CNBD1: variants seen among roughly 807,000 people sequenced by gnomAD.
The protein encoded by CNBD1 is cyclic nucleotide-binding domain-containing protein 1.
Under a neutral mutation model 54.4 loss-of-function variants are expected in CNBD1, and 71 were observed. That is an observed-to-expected ratio of 1.30 (90% CI 1.08 to 1.59). The LOEUF is 1.59. Ranked by LOEUF, CNBD1 falls within the 40% of genes most tolerant of loss-of-function variation. CNBD1 has a pLI of 0.00. For missense variants in CNBD1, 659 were observed against 518.0 expected (o/e 1.27, Z -2.64); for synonymous variants, 182 against 170.7 (o/e 1.07, Z -0.51).
chr8:86,893,928 AC>A (rs1429553797), intron 2 of CNBD1, among the ~76,000 whole-genome samples: 1 of 151,744 alleles, frequency 6.6e-6, no homozygotes, highest in East Asian at 1.9e-4. Context: ...TGAATCCAGG[AC>A]TACCAAACTT....
At chr8:86,977,365 C>G (rs1043030248) in intron 4 of CNBD1, among the ~76,000 whole-genome samples, 3 of 152,092 alleles carry the variant, frequency 2.0e-5, no homozygotes, top group Admixed American at 6.5e-5. Flanking sequence ...TCCCATAAGT[C>G]TCTTTCCTGT....
intron 2 of CNBD1, among the ~76,000 whole-genome samples, chr8:87,427,324 A>T (rs1417249819): frequency 1.3e-5 from 2 of 152,152 alleles, no homozygotes; most frequent in South Asian, 4.1e-4. Context: ...AAATTCTGTC[A>T]TTTAGAGCAG....
intron 3 of CNBD1, among the ~76,000 whole-genome samples, chr8:86,927,836 A>G (rs1809389200): frequency 6.6e-6 from 1 of 152,070 alleles, no homozygotes; most frequent in East Asian, 1.9e-4. Context: ...TGAGTCTGGG[A>G]TATTTCCTTC....
At chr8:87,135,296 G>A (rs1812205556) in intron 4 of CNBD1, among the ~76,000 whole-genome samples, 1 of 151,588 alleles carries the variant, frequency 6.6e-6, no homozygotes, top group Admixed American at 6.6e-5. Context: ...ACTAAGAGAT[G>A]GAAAAGCAAA....
At chr8:87,093,378 T>C (rs1291689572) in intron 4 of CNBD1, among the ~76,000 whole-genome samples, 1 of 152,090 alleles carries the variant, frequency 6.6e-6, no homozygotes, top group East Asian at 1.9e-4. Context: ...GTGAGAGAGC[T>C]GTGTGTTGAG....
chr8:87,257,992 ACATAT>A (rs1305771654), intron 6 of CNBD1, among the ~76,000 whole-genome samples: 1 of 152,144 alleles, frequency 6.6e-6, no homozygotes, highest in Non-Finnish European at 1.5e-5. Context: ...CAATTTTGAA[ACATAT>A]CTTAATATCA....
intron 1 of CNBD1, among the ~76,000 whole-genome samples, chr8:86,869,111 G>A (rs1036236999): frequency 6.6e-6 from 1 of 152,140 alleles, no homozygotes; most frequent in Non-Finnish European, 1.5e-5. Flanking sequence ...CTGCTGATGT[G>A]ATTTTAGCCC....
chr8:87,189,020 C>CT (rs1813543673), intron 4 of CNBD1, among the ~76,000 whole-genome samples: 1 of 151,550 alleles, frequency 6.6e-6, no homozygotes, highest in Admixed American at 6.6e-5. Flanking sequence ...AGCTTATCAA[C>CT]TTTTTTGTGT....
intron 5 of CNBD1, among the ~76,000 whole-genome samples, chr8:87,229,848 A>G (rs934033168): frequency 6.6e-6 from 1 of 152,220 alleles, no homozygotes; most frequent in African/African-American, 2.4e-5. Flanking sequence ...TGAATATGCC[A>G]ACTATGTTAA....
intron 4 of CNBD1, among the ~76,000 whole-genome samples, chr8:87,001,353 G>C (rs1488825429): frequency 6.6e-6 from 1 of 151,920 alleles, no homozygotes; most frequent in Non-Finnish European, 1.5e-5. Context: ...TTTCTTCCTG[G>C]TTGAATTATT....
chr8:87,255,292 C>G (rs1350348458), intron 6 of CNBD1, among the ~76,000 whole-genome samples: 1 of 151,990 alleles, frequency 6.6e-6, no homozygotes, highest in Non-Finnish European at 1.5e-5. Flanking sequence ...CCACAGGAAA[C>G]AAGATGTAGA....
rs116744895 is a variant in CNBD1, at chr8:87,379,760, A to G, written c.1304-2860A>G. On this transcript the variant is annotated intron_variant, in intron 10 of 10. Coordinates refer to ENST00000518476, the MANE Select transcript of CNBD1 (RefSeq NM_173538.3). Reference sequence around the variant, plus strand: ...TGTAAAATTACATTGATTGAATCTGATTGTTTTATATATAAAAAATGAAAT... The same window carrying G: ...TGTAAAATTACATTGATTGAATCTGGTTGTTTTATATATAAAAAATGAAAT... Among the ~76,000 whole-genome samples, 1,477 of 152,060 alleles carry G rather than the reference A, an allele frequency of 9.7e-3. 21 individuals carry two copies. Among genetic ancestry groups the G allele is most frequent in the African/African-American group, 0.033 (1,361 of 41,514 alleles).
At chr8:86,949,222 C>G (rs918935743) in intron 4 of CNBD1, among the ~76,000 whole-genome samples, 6 of 152,024 alleles carry the variant, frequency 3.9e-5, no homozygotes, top group Non-Finnish European at 8.8e-5. Flanking sequence ...AGGATAACTT[C>G]AGCTATGCAG....
chr8:87,038,810 G>A (rs558154502), intron 4 of CNBD1, among the ~76,000 whole-genome samples: 2 of 152,202 alleles, frequency 1.3e-5, no homozygotes, highest in South Asian at 2.1e-4. Context: ...CAAGATGGGA[G>A]TTGGTTAGAT....
At chr8:87,412,368 A>C (rs377299984) in intron 2 of CNBD1, among the ~76,000 whole-genome samples, 25 of 152,126 alleles carry the variant, frequency 1.6e-4, no homozygotes, top group African/African-American at 5.5e-4. Context: ...CTATGTCAAT[A>C]TATCACTTCT....
chr8:87,360,633 C>G (rs528885906), intron 10 of CNBD1, among the ~76,000 whole-genome samples: 3 of 151,862 alleles, frequency 2.0e-5, no homozygotes, highest in African/African-American at 7.2e-5. Flanking sequence ...ACCATTAGAA[C>G]AAGTGTACTA....
intron 8 of CNBD1, among the ~76,000 whole-genome samples, chr8:87,290,735 G>A (rs897507859): frequency 1.3e-5 from 2 of 152,102 alleles, no homozygotes; most frequent in Non-Finnish European, 2.9e-5. Context: ...GCTTTGCAGG[G>A]TGTAGGATTT....
intron 6 of CNBD1, among the ~76,000 whole-genome samples, chr8:87,241,152 AG>A (rs1807692727): frequency 6.6e-6 from 1 of 152,004 alleles, no homozygotes; most frequent in African/African-American, 2.4e-5. Context: ...ATTTCTCAAG[AG>A]GATCTTGAAT....
rs142495372 is a variant in CNBD1 at position 87,008,381 on chromosome 8, C to T, written c.431+68627C>T. 4.7e-3 allele frequency among the ~76,000 whole-genome samples: 722 copies of T among 152,226 alleles called. 7 individuals carry two copies. The highest frequency in any genetic ancestry group is 0.016 in the African/African-American group (682 of 41,542). On this transcript the variant is annotated intron_variant, in intron 4 of 10. Coordinates refer to ENST00000518476, the MANE Select transcript of CNBD1 (RefSeq NM_173538.3). Reference sequence around the variant, plus strand: ...TATGGGAATCTGGAAGTGAATATCACAGTACTGATTTTCTCAGATGTTTTA... The same window carrying T: ...TATGGGAATCTGGAAGTGAATATCATAGTACTGATTTTCTCAGATGTTTTA...
Sources: allele counts gnomAD v4.1 joint callset (sites outside exome capture counted in the v4.1 genomes callset), GRCh38; gene constraint gnomAD v4.1.1; transcripts MANE v1.5; gene names NCBI Gene and HGNC (gene_info 2026-07-23, HGNC 2026-07-21).